The following JADE2 variants were observed in gnomAD, a reference collection of about 807,000 sequenced individuals.
JADE2 encodes jade family PHD finger 2.
A neutral mutation model predicts 85.7 loss-of-function variants in JADE2; 13 were observed. That is an observed-to-expected ratio of 0.15 (90% CI 0.10 to 0.24). The LOEUF (loss-of-function observed/expected upper bound fraction) is 0.24, where lower values mean the gene tolerates loss of function less well. Among genes scored for constraint, JADE2 ranks in the 10% least tolerant of loss-of-function variants. The pLI is 1.00. For missense variants in JADE2, 846 were observed against 1,115.9 expected (o/e 0.76, Z 3.45); for synonymous variants, 440 against 456.1 (o/e 0.96, Z 0.45).
At chr5:134,525,405 C>G (rs961297803), upstream of JADE2, among the ~76,000 whole-genome samples, 1 of 151,638 alleles carries the variant, frequency 6.6e-6, no homozygotes, top group African/African-American at 2.4e-5. Context: ...AGGGTGCCAG[C>G]AGGCGTGGTG....
In JADE2 at chr5:134,525,871, C is replaced by G; in HGVS notation, c.-141C>G. 1.0e-6 allele frequency: 1 copy of G among 989,318 alleles called. No individual in the cohort carries two copies. Among genetic ancestry groups the G allele is most frequent in the Non-Finnish European group, 1.2e-6 (1 of 832,374 alleles). The allele number at this position is 989,318 out of a possible 1,614,324, so 61.3% of individuals were successfully genotyped here. Reference sequence around the variant, plus strand: ...GCGGGCCCGGCCGCCTCCCTCGCCGCGACCCCGGATGGATGCGCGCCCCCC... The same window carrying G: ...GCGGGCCCGGCCGCCTCCCTCGCCGGGACCCCGGATGGATGCGCGCCCCCC... On this transcript the variant is annotated 5_prime_UTR_variant, in exon 1 of 12. Coordinates refer to ENST00000681547, the MANE Select transcript of JADE2 (RefSeq NM_001388185.1).
chr5:134,525,508 G>A (rs868265954), upstream of JADE2: 47 of 306,644 alleles, frequency 1.5e-4, no homozygotes, highest in Middle Eastern at 1.4e-3. Context: ...GGGGGGTTGG[G>A]GGGGCGGCGA....
rs574054281 is a variant in JADE2 at position 134,582,468 on chromosome 5, A to G, written c.*3151A>G. On this transcript the variant is annotated 3_prime_UTR_variant, in exon 12 of 12. Transcript: ENST00000681547. ...AGCTGGGACAATTCCTAGAGATTCA[A>G]CTGCCCAATTCTAACCAACATTGGC... 1.3e-5 allele frequency: 2 copies of G among 152,252 alleles called. No individual in the cohort carries two copies. The highest frequency in any genetic ancestry group is 6.5e-5 in the Admixed American group (1 of 15,284). 9.4% of individuals were successfully genotyped at this position (152,252 alleles called of 1,614,324 possible). A position where few individuals can be genotyped will look rare whatever the true frequency, so the allele number is the denominator to read the frequency against.
chr5:134,530,346 G>T (rs1561721491), intron 1 of JADE2, among the ~76,000 whole-genome samples: 2 of 152,240 alleles, frequency 1.3e-5, no homozygotes, highest in Admixed American at 6.5e-5. Flanking sequence ...GAAAGATTGT[G>T]TCTGGAATGG....
chr5:134,548,765 G>A (rs531207331), intron 3 of JADE2, among the ~76,000 whole-genome samples: 6 of 152,318 alleles, frequency 3.9e-5, no homozygotes, highest in Admixed American at 1.3e-4. Context: ...TTACCAGCTG[G>A]TGTGGTGGGA....
intron 3 of JADE2, among the ~76,000 whole-genome samples, chr5:134,549,349 C>A (rs560419042): frequency 2.6e-5 from 4 of 152,176 alleles, no homozygotes; most frequent in Non-Finnish European, 5.9e-5. Context: ...CATGGTGAAA[C>A]CCTGTCTTTA....
rs188368993 is a variant in JADE2, at chr5:134,561,708, G to A, written c.685-492G>A. Among the ~76,000 whole-genome samples the A allele has an allele frequency of 3.9e-5, 6 of 152,310 alleles. No homozygotes were observed. In the East Asian group the frequency reaches 9.6e-4, roughly 24 times the overall value. On this transcript the variant is annotated intron_variant, in intron 6 of 11. Transcript: ENST00000681547. ...GCTGGCAGGTAGGTGGGCAGTGCAAGTCTCATATAAACAAACACATCCCTT... is the reference window on the plus strand; with the variant it reads ...GCTGGCAGGTAGGTGGGCAGTGCAAATCTCATATAAACAAACACATCCCTT...
In JADE2 at chr5:134,525,961, A is replaced by G. The variant is rs909285539; in HGVS notation, c.-51A>G. On this transcript the variant is annotated 5_prime_UTR_variant, in exon 1 of 12. Coordinates refer to ENST00000681547, the MANE Select transcript of JADE2 (RefSeq NM_001388185.1). ...GCATCCTTCCCGCGCCGGTCCCTGC[A>G]GCGGCGCGTAGCCGAGGGCAGCGCC... The G allele has an allele frequency of 2.0e-6, 2 of 985,796 alleles. No individual in the cohort carries two copies. The highest frequency in any genetic ancestry group is 9.4e-5 in the South Asian group (2 of 21,302). 61.1% of individuals were successfully genotyped at this position (985,796 alleles called of 1,614,324 possible). A position where few individuals can be genotyped will look rare whatever the true frequency, so the allele number is the denominator to read the frequency against.
intron 3 of JADE2, among the ~76,000 whole-genome samples, chr5:134,542,697 C>A (rs1762043454): frequency 6.6e-6 from 1 of 151,904 alleles, no homozygotes; most frequent in South Asian, 2.1e-4. Flanking sequence ...CTGCCTCGGC[C>A]CCCCAGAGTG....
At chr5:134,535,356 A>G (rs1182944862) in intron 1 of JADE2, among the ~76,000 whole-genome samples, 1 of 151,770 alleles carries the variant, frequency 6.6e-6, no homozygotes, top group Non-Finnish European at 1.5e-5. Flanking sequence ...GCTGACCACC[A>G]CTCGCAGGAC....
At chr5:134,542,296 T>G (rs1762008135) in intron 3 of JADE2, among the ~76,000 whole-genome samples, 1 of 152,240 alleles carries the variant, frequency 6.6e-6, no homozygotes, top group Non-Finnish European at 1.5e-5. Context: ...GGTGTAGCCA[T>G]TGTTAGTGCT....
chr5:134,554,759 G>A (rs544780072), intron 4 of JADE2, among the ~76,000 whole-genome samples: 1 of 152,030 alleles, frequency 6.6e-6, no homozygotes, highest in Non-Finnish European at 1.5e-5. Flanking sequence ...ATCTCCCTCC[G>A]GCCCAGCCAC....
intron 11 of JADE2, among the ~76,000 whole-genome samples, chr5:134,577,789 G>A (rs915182616): frequency 3.9e-5 from 6 of 152,098 alleles, no homozygotes; most frequent in Non-Finnish European, 7.4e-5. Flanking sequence ...CCAAGACCTC[G>A]GTAAGGAAGG....
In JADE2 at chr5:134,578,785, G is replaced by A. The variant is rs1362258321; in HGVS notation, c.1973G>A (p.Gly658Glu). 2.5e-6 allele frequency: 4 copies of A among 1,613,670 alleles called. No homozygotes were observed. The highest frequency in any genetic ancestry group is 1.7e-6 in the Non-Finnish European group (2 of 1,180,006). ...CCACCACCACCACCACCGCAGGACG[G>A]GCCTGGTTCACGGACGACTCCAGAC... Reference protein sequence around the residue: ...KKPPPPPPQDGPGSRTTPDKA... With the variant: ...KKPPPPPPQDEPGSRTTPDKA... The change falls in exon 12 of 12, where the codon GGG becomes GAG. Residue 658 changes from glycine to glutamate, a missense_variant. By Grantham distance (98) the Gly-to-Glu change is moderately conservative. Around this residue, in one of 9 missense-constraint regions of JADE2, gnomAD observed 300 missense variants for 300.7 expected, o/e 1.00. Coordinates refer to ENST00000681547, the MANE Select transcript of JADE2 (RefSeq NM_001388185.1). This position sits in a 1 kb window ranked among gnomAD's most constrained non-coding sequence, Gnocchi z 4.4.
At chr5:134,568,696 G>T (rs943105142) in intron 9 of JADE2, among the ~76,000 whole-genome samples, 2 of 152,368 alleles carry the variant, frequency 1.3e-5, no homozygotes, top group African/African-American at 4.8e-5. Flanking sequence ...GGCATGCACA[G>T]CCCTGGCAGG....
intron 10 of JADE2, chr5:134,575,287 G>C (rs1764285518): frequency 1.3e-5 from 2 of 152,338 alleles, no homozygotes; most frequent in Non-Finnish European, 1.5e-5. Flanking sequence ...GCATATCGGC[G>C]AGGCTGTCTG....
At chr5:134,553,555 T>C (rs909534870) in intron 4 of JADE2, among the ~76,000 whole-genome samples, 7 of 152,106 alleles carry the variant, frequency 4.6e-5, no homozygotes, top group African/African-American at 1.4e-4. Context: ...GGTTTCCCCA[T>C]GTTAGCCAGG....
chr5:134,534,563 C>T (rs1390471038), intron 1 of JADE2, among the ~76,000 whole-genome samples: 1 of 152,148 alleles, frequency 6.6e-6, no homozygotes, highest in East Asian at 1.9e-4. Flanking sequence ...TGGGTGTTCA[C>T]ACCCACCTTA....
At chr5:134,537,881 C>G in intron 2 of JADE2, 108 bp from the exon 3 acceptor site, 1 of 790,552 alleles carries the variant, frequency 1.3e-6, no homozygotes, top group Non-Finnish European at 2.2e-6. Context: ...GTTTCTCCCT[C>G]ATGAACATTC....
Sources: allele counts gnomAD v4.1 joint callset (sites outside exome capture counted in the v4.1 genomes callset), GRCh38; gene constraint gnomAD v4.1.1; regional missense constraint gnomAD v4.1.1; non-coding constraint Gnocchi (gnomAD v3.1); transcripts MANE v1.5; gene names NCBI Gene and HGNC (gene_info 2026-07-23, HGNC 2026-07-21).